TNNT3: variants seen among roughly 807,000 people sequenced by gnomAD.
The protein encoded by TNNT3 is troponin T, fast skeletal muscle.
Under a neutral mutation model 54.2 loss-of-function variants are expected in TNNT3, and 36 were observed. That is an observed-to-expected ratio of 0.66 (90% CI 0.51 to 0.88). The LOEUF (loss-of-function observed/expected upper bound fraction) is 0.88, where lower values mean the gene tolerates loss of function less well. Ranked by LOEUF, TNNT3 falls within the 40% of genes least tolerant of loss-of-function variation. The pLI, the probability that TNNT3 is intolerant of heterozygous loss-of-function variation, is 0.00. For synonymous variants in TNNT3, 120 were observed against 109.7 expected (o/e 1.09, Z -0.59); for missense variants, 291 against 331.6 (o/e 0.88, Z 0.95).
Position 1,932,629 on chromosome 11 carries a change from G to A in TNNT3, c.171+115G>A, listed in dbSNP as rs559004509. The A allele has an allele frequency of 5.0e-6, 5 of 1,005,292 alleles. No homozygotes were observed. The Admixed American group carries it at 7.3e-5, about 15-fold the overall frequency. The allele number at this position is 1,005,292 out of a possible 1,614,324, so 62.3% of individuals were successfully genotyped here. ...AGTAGCCAGAGCCGGGGCCTCCTGGGTCTGGGCAATTCTACCATAGCTTAT... is the reference window on the plus strand; with the variant it reads ...AGTAGCCAGAGCCGGGGCCTCCTGGATCTGGGCAATTCTACCATAGCTTAT... On this transcript the variant is annotated intron_variant, in intron 9 of 15. Transcript: ENST00000278317.
At chr11:1,937,921 A>AG (rs1368797178) in intron 15 of TNNT3, among the ~76,000 whole-genome samples, 4 of 152,122 alleles carry the variant, frequency 2.6e-5, no homozygotes, top group Non-Finnish European at 4.4e-5. Flanking sequence ...TGTCCTGCTG[A>AG]GCAGCCGCGT....
intron 6 of TNNT3, chr11:1,928,888 C>T: frequency 1.6e-6 from 1 of 614,438 alleles, no homozygotes; most frequent in Non-Finnish European, 3.0e-6. Flanking sequence ...ACTAGGTCTT[C>T]CAGGCAGGAG....
chr11:1,937,006 G>T lies in TNNT3; in HGVS notation c.722+3G>T. 2 of 1,599,578 alleles carry T rather than the reference G, an allele frequency of 1.3e-6. No homozygotes were observed. The highest frequency in any genetic ancestry group is 1.7e-6 in the Non-Finnish European group (2 of 1,174,742). ...CGCATTGACCAGGCCCAGAAGCAGT[G>T]AGTAGCCCTGCCGTCCTCGCTCCGC... On this transcript the variant is annotated splice_donor_region_variant and intron_variant, in intron 15 of 15. Transcript: ENST00000278317.
intron 14 of TNNT3, among the ~76,000 whole-genome samples, chr11:1,936,551 G>C (rs537612144): frequency 1.3e-4 from 20 of 152,202 alleles, no homozygotes; most frequent in Non-Finnish European, 8.8e-5. Context: ...CCCAGGAGCA[G>C]CAGGGCCGTT....
chr11:1,926,987 G>T (rs574909955), intron 6 of TNNT3, among the ~76,000 whole-genome samples: 1 of 152,310 alleles, frequency 6.6e-6, no homozygotes, highest in East Asian at 1.9e-4. Context: ...GGAGGTGGGG[G>T]TGGCCAGCCT....
rs767641741 is a variant in TNNT3 at position 1,925,127 on chromosome 11, T to C, written c.67+11T>C. 3.7e-6 allele frequency: 6 copies of C among 1,612,166 alleles called. No homozygotes were observed. In the African/African-American group the frequency reaches 8.0e-5, roughly 22 times the overall value. ...AAGCCCAGGAGGAAGGTAAGTGGGG[T>C]CCAAGGCCCCGGCCCCCATGCCCAC... On this transcript the variant is annotated intron_variant, in intron 5 of 15. Transcript: ENST00000278317.
intron 5 of TNNT3, chr11:1,926,441 T>C (rs1419107672): frequency 1.9e-6 from 3 of 1,613,198 alleles, no homozygotes; most frequent in Non-Finnish European, 2.5e-6. Flanking sequence ...GTTTTGCCTC[T>C]TGTTCCGTGG....
At chr11:1,938,350 C>G in intron 15 of TNNT3, 88 bp from the exon 16 acceptor site, 2 of 1,436,350 alleles carry the variant, frequency 1.4e-6, no homozygotes, top group African/African-American at 1.4e-5. Context: ...AGCCTGGGGT[C>G]GGGCTGAGAG....
chr11:1,920,905 T>C (rs73413014), intron 1 of TNNT3, among the ~76,000 whole-genome samples: 2,904 of 152,060 alleles, frequency 0.019, 100 homozygotes, highest in African/African-American at 0.064. Context: ...CAGAACAGCC[T>C]TGTGTTGCTT....
chr11:1,931,582 G>A (rs137874982), intron 8 of TNNT3, among the ~76,000 whole-genome samples: 1 of 152,322 alleles, frequency 6.6e-6, no homozygotes, highest in African/African-American at 2.4e-5. Context: ...AGAACTCGTA[G>A]CTACGGCCAT....
In TNNT3 at chr11:1,938,587, T is replaced by A. The variant is rs774304525; in HGVS notation, c.*95T>A. On this transcript the variant is annotated 3_prime_UTR_variant, in exon 16 of 16. Transcript: ENST00000278317. ...CCACATCCTCCAGCCCCCACAATCC[T>A]GTCAGGGGCTCCCTGACAGTCCTGG... 11 of 1,313,926 alleles carry A rather than the reference T, an allele frequency of 8.4e-6. No homozygotes were observed. Among genetic ancestry groups the A allele is most frequent in the Non-Finnish European group, 9.7e-6 (9 of 924,616 alleles). 81.4% of individuals were successfully genotyped at this position (1,313,926 alleles called of 1,614,324 possible).
At chr11:1,923,178 T>A in intron 3 of TNNT3, 117 bp downstream of exon 3, 1 of 1,432,132 alleles carries the variant, frequency 7.0e-7, no homozygotes, top group Non-Finnish European at 9.8e-7. Context: ...ATCAGCTGCA[T>A]CCCATGGGTG....
In TNNT3 at chr11:1,926,716, CGGCGCTCCCCCGCCTCCA is replaced by C; in HGVS notation, c.82+11_82+28del. 6.2e-7 allele frequency: 1 copy of C among 1,613,172 alleles called. No individual in the cohort carries two copies. Among genetic ancestry groups the C allele is most frequent in the Non-Finnish European group, 8.5e-7 (1 of 1,180,020 alleles). Reference sequence around the variant, plus strand: ...GCAGAGGAAGTTCAAGAAGGTACGCCGGCGCTCCCCCGCCTCCAGGCCAGAGTCTCCGTCCTCCCTTCT... The same window carrying C: ...GCAGAGGAAGTTCAAGAAGGTACGCCGGCCAGAGTCTCCGTCCTCCCTTCT... On this transcript the variant is annotated splice_region_variant and intron_variant, in intron 6 of 15. Coordinates refer to ENST00000278317, the MANE Select transcript of TNNT3 (RefSeq NM_006757.4).
chr11:1,923,403 C>G lies in TNNT3; in HGVS notation c.32-152C>G, dbSNP rs1278052753. ...GAGCCTCTGCCTTCCCCAGCGCCTC[C>G]TCAGGGCCCGAGGACCCCTGATTCC... On this transcript the variant is annotated intron_variant, in intron 3 of 15. Transcript: ENST00000278317. 11 of 886,382 alleles carry G rather than the reference C, an allele frequency of 1.2e-5. No homozygotes were observed. In the East Asian group the frequency reaches 2.4e-4, roughly 20 times the overall value. The allele number at this position is 886,382 out of a possible 1,614,324, so 54.9% of individuals were successfully genotyped here.
chr11:1,937,125 C>T (rs1004451578), intron 15 of TNNT3, 122 bp downstream of exon 15: 11 of 1,058,662 alleles, frequency 1.0e-5, no homozygotes, highest in African/African-American at 7.9e-5. Context: ...ACGAGACTAA[C>T]CCGGCCAGGC....
intron 4 of TNNT3, among the ~76,000 whole-genome samples, chr11:1,924,496 T>G (rs944564876): frequency 2.0e-5 from 3 of 152,264 alleles, no homozygotes; most frequent in African/African-American, 4.8e-5. Flanking sequence ...TTGAAAACAC[T>G]TGGCTACCCT....
intron 6 of TNNT3, 53 bp downstream of exon 6, chr11:1,926,762 C>G: frequency 6.2e-7 from 1 of 1,610,736 alleles, no homozygotes; most frequent in Non-Finnish European, 8.5e-7. Flanking sequence ...TCCCTTCTGT[C>G]CTCTCTTGCT....
intron 4 of TNNT3, among the ~76,000 whole-genome samples, chr11:1,924,275 G>A (rs1464521879): frequency 3.3e-5 from 5 of 152,166 alleles, no homozygotes; most frequent in Non-Finnish European, 5.9e-5. Context: ...TCCCTGTGCT[G>A]GCCAGGTGTG....
intron 9 of TNNT3, among the ~76,000 whole-genome samples, chr11:1,933,409 G>C (rs1434237950): frequency 6.6e-6 from 1 of 152,118 alleles, no homozygotes; most frequent in African/African-American, 2.4e-5. Context: ...GGCCCATGCA[G>C]GGCATCTCTG....
Sources: allele counts gnomAD v4.1 joint callset (sites outside exome capture counted in the v4.1 genomes callset), GRCh38; gene constraint gnomAD v4.1.1; transcripts MANE v1.5; gene names NCBI Gene and HGNC (gene_info 2026-07-23, HGNC 2026-07-21).